The following ZNF503 variants were observed in gnomAD, a reference collection of about 807,000 sequenced individuals.
ZNF503 encodes NocA-like zinc finger 2.
In ZNF503, 15 loss-of-function variants were observed where a neutral mutation model predicts 34.4. The observed-to-expected ratio is 0.44, with a 90% CI of 0.29 to 0.67. The LOEUF is 0.67. Ranked by LOEUF, ZNF503 falls within the 30% of genes least tolerant of loss-of-function variation. The pLI is 0.13. For synonymous variants in ZNF503, 580 were observed against 456.8 expected (o/e 1.27, Z -3.44); for missense variants, 1,007 against 926.8 (o/e 1.09, Z -1.12).
At chr10:75,280,545 GGTGTGTATGC>G in the ZNF503 span, among the ~76,000 whole-genome samples, 1 of 134,078 alleles carries the variant, frequency 7.5e-6, no homozygotes, top group South Asian at 2.8e-4. Context: ...ATCTTGGAGG[GGTGTGTATGC>G]GTGTGTGTGT....
chr10:75,320,553 T>C, the ZNF503 span, among the ~76,000 whole-genome samples: 37,731 of 151,184 alleles, frequency 0.25, 5,674 homozygotes, highest in African/African-American at 0.42. Context: ...CATGGTGGCT[T>C]ATGCCTGTAA....
chr10:75,286,269 A>G, the ZNF503 span, among the ~76,000 whole-genome samples: 1 of 138,136 alleles, frequency 7.2e-6, no homozygotes. Flanking sequence ...TGGGAGACAG[A>G]GCAATACTGT....
chr10:75,393,610 G>A (rs1387221771), downstream of ZNF503, among the ~76,000 whole-genome samples: 1 of 152,170 alleles, frequency 6.6e-6, no homozygotes, highest in Admixed American at 6.5e-5. Context: ...TGTAATCCCA[G>A]CACTTTAAGA....
the ZNF503 span, among the ~76,000 whole-genome samples, chr10:75,364,543 G>A: frequency 1.3e-5 from 2 of 152,158 alleles, no homozygotes; most frequent in Admixed American, 1.3e-4. Context: ...AAGTCTGGCA[G>A]CGGTAGGGCC....
At chr10:75,287,648 A>T in the ZNF503 span, among the ~76,000 whole-genome samples, 7 of 152,148 alleles carry the variant, frequency 4.6e-5, no homozygotes, top group African/African-American at 1.7e-4. Flanking sequence ...GTGAGCCTTG[A>T]GCAGGGCAGG....
the ZNF503 span, among the ~76,000 whole-genome samples, chr10:75,312,462 G>T: frequency 1.3e-5 from 2 of 152,118 alleles, no homozygotes; most frequent in Admixed American, 6.5e-5. Flanking sequence ...TCAAAAATGA[G>T]CAGAGCTTCA....
the ZNF503 span, among the ~76,000 whole-genome samples, chr10:75,328,744 T>G: frequency 4.4e-5 from 4 of 91,768 alleles, no homozygotes; most frequent in Admixed American, 3.9e-4. Flanking sequence ...GAAATGTCTT[T>G]TCTTTTTTTT....
chr10:75,400,823 C>T (rs957513597), intron 1 of ZNF503, among the ~76,000 whole-genome samples: 3 of 152,248 alleles, frequency 2.0e-5, no homozygotes, highest in African/African-American at 7.2e-5. Flanking sequence ...AGACCTCCGC[C>T]TGCCTTCGGT....
At chr10:75,370,949 G>A in the ZNF503 span, among the ~76,000 whole-genome samples, 1 of 152,148 alleles carries the variant, frequency 6.6e-6, no homozygotes, top group Non-Finnish European at 1.5e-5. Flanking sequence ...ATGCCTCAAG[G>A]AAGAGAGGAC....
chr10:75,303,770 T>A, the ZNF503 span, among the ~76,000 whole-genome samples: 1 of 151,314 alleles, frequency 6.6e-6, no homozygotes, highest in African/African-American at 2.4e-5. Context: ...GCCCTTACCC[T>A]CCCTTACAGC....
the ZNF503 span, among the ~76,000 whole-genome samples, chr10:75,364,786 G>A: frequency 2.6e-5 from 4 of 152,162 alleles, no homozygotes; most frequent in African/African-American, 7.2e-5. Flanking sequence ...TAGCTTATTG[G>A]AAATCCAAAG....
the ZNF503 span, among the ~76,000 whole-genome samples, chr10:75,380,668 C>T: frequency 1.3e-5 from 2 of 152,168 alleles, no homozygotes; most frequent in Admixed American, 6.5e-5. Flanking sequence ...ACTGCTTCCT[C>T]GAGATTCCGC....
chr10:75,299,314 T>C, the ZNF503 span, among the ~76,000 whole-genome samples: 1 of 152,192 alleles, frequency 6.6e-6, no homozygotes, highest in Non-Finnish European at 1.5e-5. Context: ...TTTTTTTGCA[T>C]ATGGATATCC....
At chr10:75,308,195 C>CTTTTTTTT in the ZNF503 span, among the ~76,000 whole-genome samples, 5 of 133,252 alleles carry the variant, frequency 3.8e-5, no homozygotes, top group African/African-American at 5.7e-5. Context: ...GACAATACAT[C>CTTTTTTTT]TTTTTTTTTT....
At chr10:75,352,957 AG>A in the ZNF503 span, among the ~76,000 whole-genome samples, 1 of 152,126 alleles carries the variant, frequency 6.6e-6, no homozygotes, top group Admixed American at 6.5e-5. Flanking sequence ...ACAGTTCTGT[AG>A]GGGGTGTTCT....
chr10:75,371,730 T>C, the ZNF503 span, among the ~76,000 whole-genome samples: 4 of 152,256 alleles, frequency 2.6e-5, no homozygotes, highest in Non-Finnish European at 5.9e-5. Flanking sequence ...CTCCAATCTA[T>C]GATGGGAGTG....
the ZNF503 span, among the ~76,000 whole-genome samples, chr10:75,292,144 G>A: frequency 1.3e-5 from 2 of 152,208 alleles, no homozygotes; most frequent in Non-Finnish European, 2.9e-5. Context: ...CATGGGGGAG[G>A]AGAGGATCAG....
the ZNF503 span, among the ~76,000 whole-genome samples, chr10:75,318,668 C>CAAA: frequency 1.7e-5 from 2 of 117,324 alleles, no homozygotes; most frequent in Non-Finnish European, 1.7e-5. Flanking sequence ...GATCCTGTCT[C>CAAA]AAAAAAAAAA....
the ZNF503 span, among the ~76,000 whole-genome samples, chr10:75,323,154 C>T: frequency 6.6e-6 from 1 of 152,104 alleles, no homozygotes; most frequent in South Asian, 2.1e-4. Flanking sequence ...TTTCACATAG[C>T]AAAATGCATT....
Sources: allele counts gnomAD v4.1 joint callset (sites outside exome capture counted in the v4.1 genomes callset), GRCh38; gene constraint gnomAD v4.1.1; transcripts MANE v1.5; gene names NCBI Gene and HGNC (gene_info 2026-07-23, HGNC 2026-07-21).